PCDHA10: variants seen among roughly 807,000 people sequenced by gnomAD.
The protein encoded by PCDHA10 is protocadherin alpha-10.
In PCDHA10, 45 loss-of-function variants were observed where a neutral mutation model predicts 61.2. The observed-to-expected ratio is 0.74, with a 90% confidence interval of 0.58 to 0.94. PCDHA10 has a LOEUF of 0.94. Among genes scored for constraint, PCDHA10 ranks in the 40% least tolerant of loss-of-function variants. PCDHA10 has a pLI of 0.00. For synonymous variants in PCDHA10, 602 were observed against 548.8 expected (o/e 1.10, Z -1.35); for missense variants, 1,278 against 1,236.2 (o/e 1.03, Z -0.51).
chr5:140,912,343 A>AT (rs35252606), intron 1 of PCDHA10, among the ~76,000 whole-genome samples: 1,442 of 143,856 alleles, frequency 0.01, 7 homozygotes, highest in South Asian at 0.021. Flanking sequence ...TACACTAAGT[A>AT]TTTTTTTTTT....
chr5:140,888,322 C>T (rs983342995), intron 1 of PCDHA10, among the ~76,000 whole-genome samples: 23 of 152,148 alleles, frequency 1.5e-4, no homozygotes, highest in African/African-American at 5.6e-4. Context: ...TGCCTGGATA[C>T]ATTTTTGGTT....
chr5:141,006,426 G>A (rs2153987618), intron 3 of PCDHA10, among the ~76,000 whole-genome samples: 1 of 152,170 alleles, frequency 6.6e-6, no homozygotes, highest in Admixed American at 6.5e-5. Context: ...TGTTAGCCAG[G>A]ATGGTCTCAA....
chr5:140,957,513 T>C (rs76093065), intron 1 of PCDHA10, among the ~76,000 whole-genome samples: 3,563 of 152,232 alleles, frequency 0.023, 49 homozygotes, highest in Middle Eastern at 0.034. Flanking sequence ...TTATCCTTGG[T>C]TTCAGACATT....
intron 1 of PCDHA10, chr5:140,882,078 C>T: frequency 1.1e-6 from 1 of 937,486 alleles, no homozygotes; most frequent in Non-Finnish European, 1.6e-6. Flanking sequence ...CGCATGGTGT[C>T]GCTCTTCACT....
chr5:140,997,156 C>G (rs1266627646), intron 3 of PCDHA10, among the ~76,000 whole-genome samples: 1 of 152,106 alleles, frequency 6.6e-6, no homozygotes, highest in Non-Finnish European at 1.5e-5. Flanking sequence ...CAGTGACATC[C>G]TGCCCAGAGT....
At chr5:140,975,330 A>G (rs563974651) in intron 1 of PCDHA10, among the ~76,000 whole-genome samples, 1 of 152,320 alleles carries the variant, frequency 6.6e-6, no homozygotes, top group African/African-American at 2.4e-5. Flanking sequence ...CATCCAGATG[A>G]TCTCCCTTTC....
At chr5:140,924,725 C>T (rs1015635507) in intron 1 of PCDHA10, among the ~76,000 whole-genome samples, 71 of 151,698 alleles carry the variant, frequency 4.7e-4, no homozygotes, top group African/African-American at 1.6e-3. Flanking sequence ...CGAAACCTCA[C>T]CTCTAATAAA....
chr5:140,856,440 G>A lies in PCDHA10; in HGVS notation c.392G>A (p.Arg131Lys). 6.3e-7 allele frequency: 1 copy of A among 1,598,404 alleles called. No individual in the cohort carries two copies. The highest frequency in any genetic ancestry group is 8.6e-7 in the Non-Finnish European group (1 of 1,167,950). The change falls in exon 1 of 4, where the codon AGG (arginine) becomes AAG (lysine). Residue 131 changes from arginine to lysine, a missense_variant. Physicochemically the swap from Arg to Lys is conservative, Grantham distance 26. Coordinates refer to ENST00000307360, the MANE Select transcript of PCDHA10 (RefSeq NM_018901.4). ...EVKDINDNPP[R>K]FSVTEQKLSI... ...AAGGACATTAACGACAACCCGCCCA[G>A]GTTCTCCGTAACAGAACAAAAGCTC...
intron 2 of PCDHA10, among the ~76,000 whole-genome samples, chr5:140,980,947 G>T (rs1430215851): frequency 6.6e-6 from 1 of 152,032 alleles, no homozygotes; most frequent in Non-Finnish European, 1.5e-5. Context: ...GCTGGCTCCA[G>T]GATAGTTACA....
chr5:140,967,865 C>G, intron 1 of PCDHA10: 1 of 1,614,164 alleles, frequency 6.2e-7, no homozygotes, highest in Non-Finnish European at 8.5e-7. Flanking sequence ...AGAGGTGGTG[C>G]TCACGGACCT....
chr5:140,877,657 G>T (rs1554169952), intron 1 of PCDHA10: 2 of 1,613,570 alleles, frequency 1.2e-6, no homozygotes, highest in East Asian at 2.2e-5. Context: ...GCCGCCCACC[G>T]TGAGCCGGTG....
At chr5:140,894,740 A>AT (rs1157881854) in intron 1 of PCDHA10, among the ~76,000 whole-genome samples, 7 of 151,086 alleles carry the variant, frequency 4.6e-5, no homozygotes, top group Middle Eastern at 3.4e-3. Flanking sequence ...AATTTGTGGA[A>AT]TTTTTTTTCT....
Position 140,982,498 on chromosome 5 carries a change from G to A in PCDHA10, c.2471G>A (p.Gly824Asp), listed in dbSNP as rs782347331. The change falls in exon 3 of 4, where the codon GGC becomes GAC. Residue 824 changes from glycine to aspartate, a missense_variant. By Grantham distance (94) the Gly-to-Asp change is moderately conservative. Transcript: ENST00000307360. ...AGCTCTGTGCACCTAGAGGAGGCTG[G>A]CATTCTACGGGCTGGTCCAGGAGGG... Reference protein sequence around the residue: ...MHSSVHLEEAGILRAGPGGPD... With the variant: ...MHSSVHLEEADILRAGPGGPD... 6 of 1,614,062 alleles carry A rather than the reference G, an allele frequency of 3.7e-6. No homozygotes were observed. The Admixed American group carries it at 5.0e-5, about 13-fold the overall frequency.
intron 1 of PCDHA10, among the ~76,000 whole-genome samples, chr5:140,902,664 A>G (rs2069638514): frequency 6.6e-6 from 1 of 152,128 alleles, no homozygotes. Context: ...CTGTCACCCA[A>G]GCAGTGTACA....
At chr5:140,924,060 A>G (rs2081653054) in intron 1 of PCDHA10, among the ~76,000 whole-genome samples, 1 of 152,250 alleles carries the variant, frequency 6.6e-6, no homozygotes, top group African/African-American at 2.4e-5. Context: ...ACATCTTTAC[A>G]GTTGTATTTC....
chr5:140,890,995 A>C (rs1554184607), intron 1 of PCDHA10, among the ~76,000 whole-genome samples: 2 of 152,138 alleles, frequency 1.3e-5, no homozygotes, highest in Non-Finnish European at 1.5e-5. Context: ...ATTTCATCAT[A>C]ATTATTGAAA....
chr5:140,864,153 T>C (rs1209982386), intron 1 of PCDHA10: 8 of 152,216 alleles, frequency 5.3e-5, no homozygotes, highest in African/African-American at 1.9e-4. Context: ...AATGAGAAAG[T>C]TAAATCTTAC....
Position 140,877,183 on chromosome 5 carries a change from G to A in PCDHA10, c.2388+18747G>A, listed in dbSNP as rs201399892. 787 of 1,613,846 alleles carry A rather than the reference G, an allele frequency of 4.9e-4. 5 individuals are homozygous for A. The African/African-American group carries it at 9.2e-3, about 19-fold the overall frequency. ...GCCGGCACTGCTGGCGACTCCGGCT[G>A]GCAGCGCAGGAGGCGCAGTTAGCGA... On this transcript the variant is annotated intron_variant, in intron 1 of 3. Transcript: ENST00000307360.
intron 1 of PCDHA10, chr5:140,869,297 G>A (rs781788461): frequency 1.2e-6 from 2 of 1,613,576 alleles, no homozygotes; most frequent in East Asian, 2.2e-5. Flanking sequence ...CGCCTGTTCC[G>A]GGTGGCGTCC....
Sources: allele counts gnomAD v4.1 joint callset (sites outside exome capture counted in the v4.1 genomes callset), GRCh38; gene constraint gnomAD v4.1.1; transcripts MANE v1.5; gene names NCBI Gene and HGNC (gene_info 2026-07-23, HGNC 2026-07-21).